PARD3: variants seen among roughly 807,000 people sequenced by gnomAD.
PARD3 encodes par-3 family cell polarity regulator, also known as partitioning defective 3 homolog.
A neutral mutation model predicts 155.4 loss-of-function variants in PARD3; 75 were observed. That is an observed-to-expected ratio of 0.48 (90% CI 0.40 to 0.58). The LOEUF is 0.58. PARD3 is among the 20% of genes least tolerant of loss of function. The pLI, the probability that PARD3 is intolerant of heterozygous loss-of-function variation, is 0.00. For missense variants in PARD3, 1,642 were observed against 1,721.7 expected (o/e 0.95, Z 0.82); for synonymous variants, 576 against 610.5 (o/e 0.94, Z 0.83).
intron 2 of PARD3, among the ~76,000 whole-genome samples, chr10:34,562,059 G>C (rs1310387696): frequency 1.4e-5 from 2 of 147,636 alleles, no homozygotes; most frequent in East Asian, 4.1e-4. Context: ...CTTGAACCTG[G>C]GAGGGGGGGT....
intron 5 of PARD3, among the ~76,000 whole-genome samples, chr10:34,414,621 G>A (rs1312026346): frequency 6.6e-6 from 1 of 151,404 alleles, no homozygotes; most frequent in Non-Finnish European, 1.5e-5. Context: ...TTCAAGACCA[G>A]CCTGGGCAAC....
intron 1 of PARD3, among the ~76,000 whole-genome samples, chr10:34,739,996 G>A (rs576844571): frequency 1.1e-4 from 17 of 152,272 alleles, no homozygotes; most frequent in African/African-American, 3.4e-4. Flanking sequence ...ACACTGACCC[G>A]CCAGCGACTC....
chr10:34,212,881 A>C (rs7070564), intron 22 of PARD3, among the ~76,000 whole-genome samples: 1 of 152,062 alleles, frequency 6.6e-6, no homozygotes, highest in Admixed American at 6.5e-5. Flanking sequence ...ACCAAACCTC[A>C]GGCTCAGAGG....
At chr10:34,343,786 CTCTA>C (rs1310877505) in intron 15 of PARD3, 1 of 984,080 alleles carries the variant, frequency 1.0e-6, no homozygotes, top group African/African-American at 1.7e-5. Flanking sequence ...GTAAACTTTC[CTCTA>C]TCTTCAACTA....
At chr10:34,664,306 G>A (rs1388846869) in intron 2 of PARD3, among the ~76,000 whole-genome samples, 1 of 152,030 alleles carries the variant, frequency 6.6e-6, no homozygotes, top group South Asian at 2.1e-4. Context: ...AGGTTCAAGC[G>A]ATTCTCCTGC....
At chr10:34,343,789 T>G (rs1220328124) in intron 15 of PARD3, 12 of 983,182 alleles carry the variant, frequency 1.2e-5, no homozygotes. Flanking sequence ...AACTTTCCTC[T>G]ATCTTCAACT....
intron 4 of PARD3, among the ~76,000 whole-genome samples, chr10:34,457,261 T>G (rs1415535904): frequency 3.9e-5 from 6 of 152,186 alleles, no homozygotes. Context: ...GGGCGCGGAT[T>G]TCTCTGAAGC....
chr10:34,169,996 A>G (rs1949713053), intron 22 of PARD3, among the ~76,000 whole-genome samples: 1 of 152,204 alleles, frequency 6.6e-6, no homozygotes, highest in African/African-American at 2.4e-5. Flanking sequence ...CACTAGATTC[A>G]CTTGCAGAAT....
intron 23 of PARD3, among the ~76,000 whole-genome samples, chr10:34,120,851 T>A (rs1420553362): frequency 6.6e-6 from 1 of 151,792 alleles, no homozygotes; most frequent in Non-Finnish European, 1.5e-5. Flanking sequence ...ATTTCAGGAG[T>A]TCAAGACCAG....
At chr10:34,128,861 G>A (rs1008226206) in intron 23 of PARD3, among the ~76,000 whole-genome samples, 2 of 152,126 alleles carry the variant, frequency 1.3e-5, no homozygotes, top group Non-Finnish European at 2.9e-5. Flanking sequence ...GTTTCAGAAT[G>A]AGTTGGAAGG....
intron 2 of PARD3, among the ~76,000 whole-genome samples, chr10:34,647,646 G>A (rs773251107): frequency 5.3e-5 from 8 of 152,174 alleles, no homozygotes; most frequent in Non-Finnish European, 7.3e-5. Context: ...CACACTTAAC[G>A]TGTAGCTCTT....
chr10:34,399,820 A>G (rs1452401930), intron 6 of PARD3, among the ~76,000 whole-genome samples: 1 of 152,242 alleles, frequency 6.6e-6, no homozygotes, highest in Admixed American at 6.5e-5. Flanking sequence ...TTAACTGAAC[A>G]AAGATGTTGC....
intron 3 of PARD3, among the ~76,000 whole-genome samples, chr10:34,476,921 C>A (rs1211983438): frequency 6.6e-6 from 1 of 152,084 alleles, no homozygotes. Flanking sequence ...AAATATGTGG[C>A]CTTATCAACA....
Position 34,255,103 on chromosome 10 carries a change from GCAAC to G in PARD3, c.3419+14550_3419+14553del, listed in dbSNP as rs565007378. Reference sequence around the variant, plus strand: ...AAAACCCTCCCCCACAAATTCTGTTGCAACCAAATTCTAATAATTTACGATTTAA... The same window carrying G: ...AAAACCCTCCCCCACAAATTCTGTTGCAAATTCTAATAATTTACGATTTAA... On this transcript the variant is annotated intron_variant, in intron 22 of 24. Coordinates refer to ENST00000374788, the MANE Select transcript of PARD3 (RefSeq NM_001184785.2). Among the ~76,000 whole-genome samples, 6 of 150,552 alleles carry G rather than the reference GCAAC, an allele frequency of 4.0e-5. No individual in the cohort carries two copies. In the East Asian group the frequency reaches 9.8e-4, roughly 25 times the overall value.
At chr10:34,705,123 C>G (rs1393570825) in intron 1 of PARD3, among the ~76,000 whole-genome samples, 1 of 152,046 alleles carries the variant, frequency 6.6e-6, no homozygotes, top group Non-Finnish European at 1.5e-5. Context: ...AGATAGATAT[C>G]ACACATGCAA....
intron 15 of PARD3, chr10:34,343,641 C>T (rs1837071361): frequency 1.0e-5 from 10 of 985,284 alleles, no homozygotes; most frequent in Non-Finnish European, 1.2e-5. Context: ...TAATGGACAG[C>T]TAAAAAACTT....
chr10:34,436,167 C>G (rs187843212), intron 5 of PARD3, among the ~76,000 whole-genome samples: 20 of 152,332 alleles, frequency 1.3e-4, no homozygotes, highest in Non-Finnish European at 2.5e-4. Context: ...TGACTGACAT[C>G]TGAGCAAATG....
chr10:34,211,638 A>G (rs1951756957), intron 22 of PARD3, among the ~76,000 whole-genome samples: 1 of 151,898 alleles, frequency 6.6e-6, no homozygotes, highest in Non-Finnish European at 1.5e-5. Context: ...AAATTAGCTG[A>G]GCATGGTGGT....
chr10:34,680,898 T>C (rs2093803495), intron 2 of PARD3, among the ~76,000 whole-genome samples: 1 of 148,598 alleles, frequency 6.7e-6, no homozygotes, highest in African/African-American at 2.5e-5. Flanking sequence ...CACGAGTTAG[T>C]GGGTGCAGCA....
Sources: gnomAD v4.1 joint callset for allele counts (sites outside exome capture counted in the v4.1 genomes callset) on GRCh38, gnomAD v4.1.1 for gene constraint, MANE v1.5 for transcripts, NCBI Gene and HGNC (gene_info 2026-07-23, HGNC 2026-07-21) for gene names.